Variants in PCSK5 observed in about 807,000 individuals in gnomAD.
The protein encoded by PCSK5 is proprotein convertase subtilisin/kexin type 5.
In PCSK5, 129 loss-of-function variants were observed where a neutral mutation model predicts 233.2. The observed-to-expected ratio is 0.55, with a 90% CI of 0.48 to 0.64. The LOEUF (loss-of-function observed/expected upper bound fraction) is 0.64. Ranked by LOEUF, PCSK5 falls within the 30% of genes least tolerant of loss-of-function variation. The pLI is 0.00. For missense variants in PCSK5, 2,076 were observed against 2,430.1 expected, an observed-to-expected ratio of 0.85 and a Z score of 3.06; for synonymous variants, 825 against 879.2, an observed-to-expected ratio of 0.94 and a Z score of 1.09.
chr9:76,080,311 A>G (rs1187812283), intron 7 of PCSK5, among the ~76,000 whole-genome samples: 1 of 152,152 alleles, frequency 6.6e-6, no homozygotes, highest in Non-Finnish European at 1.5e-5. Context: ...TTCCCTATAT[A>G]CAATATGACA....
chr9:76,168,261 C>T (rs1329708773), intron 12 of PCSK5, among the ~76,000 whole-genome samples: 1 of 152,162 alleles, frequency 6.6e-6, no homozygotes, highest in African/African-American at 2.4e-5. Flanking sequence ...AAGGGATTCT[C>T]CTGCCTCAGC....
At chr9:76,298,072 A>G (rs1828498151) in intron 27 of PCSK5, among the ~76,000 whole-genome samples, 1 of 152,324 alleles carries the variant, frequency 6.6e-6, no homozygotes, top group South Asian at 2.1e-4. Context: ...GGCATTTAAG[A>G]GGCAGTGCAA....
intron 20 of PCSK5, among the ~76,000 whole-genome samples, chr9:76,203,041 G>A (rs1436618428): frequency 6.6e-6 from 1 of 152,192 alleles, no homozygotes; most frequent in Non-Finnish European, 1.5e-5. Flanking sequence ...GGACAACTAA[G>A]TTCTAGCGTG....
chr9:76,225,846 A>T (rs566236737), intron 20 of PCSK5, among the ~76,000 whole-genome samples: 2 of 152,274 alleles, frequency 1.3e-5, no homozygotes, highest in Non-Finnish European at 1.5e-5. Context: ...AGGCAGGCGC[A>T]GCCTACACCA....
At chr9:76,216,048 T>C (rs1417484306) in intron 20 of PCSK5, among the ~76,000 whole-genome samples, 4 of 152,166 alleles carry the variant, frequency 2.6e-5, no homozygotes, top group African/African-American at 9.7e-5. Flanking sequence ...TGAATTGTTC[T>C]AGAGGCCACA....
intron 2 of PCSK5, among the ~76,000 whole-genome samples, chr9:75,955,770 T>C (rs368246697): frequency 6.6e-6 from 1 of 152,106 alleles, no homozygotes; most frequent in South Asian, 2.1e-4. Flanking sequence ...TGAGAGAAAT[T>C]AAATACAAAG....
chr9:76,222,539 C>T (rs932698888), intron 20 of PCSK5, among the ~76,000 whole-genome samples: 1 of 152,124 alleles, frequency 6.6e-6, no homozygotes, highest in African/African-American at 2.4e-5. Context: ...TACAATTCTA[C>T]TTTGTCTCTA....
intron 5 of PCSK5, among the ~76,000 whole-genome samples, chr9:76,038,788 T>TCACCCATACACTGAATGA (rs1317519481): frequency 1.3e-5 from 2 of 152,228 alleles, no homozygotes; most frequent in Non-Finnish European, 2.9e-5. Flanking sequence ...ATTCACTTTG[T>TCACCCATACACTGAATGA]CACCCATACA....
At chr9:76,351,926 G>A (rs1333319471) in intron 36 of PCSK5, among the ~76,000 whole-genome samples, 2 of 151,990 alleles carry the variant, frequency 1.3e-5, no homozygotes, top group African/African-American at 2.4e-5. Flanking sequence ...TTTGGGTTGG[G>A]GGTTCCCTCG....
At chr9:76,143,363 T>C (rs1823306382) in intron 10 of PCSK5, among the ~76,000 whole-genome samples, 1 of 152,174 alleles carries the variant, frequency 6.6e-6, no homozygotes, top group African/African-American at 2.4e-5. Flanking sequence ...GGAGTTCTCA[T>C]TTCATTTGAA....
At chr9:76,151,269 C>T (rs1587690588) in intron 10 of PCSK5, among the ~76,000 whole-genome samples, 1 of 152,150 alleles carries the variant, frequency 6.6e-6, no homozygotes, top group African/African-American at 2.4e-5. Flanking sequence ...ATCTCTGGTT[C>T]GGAATTTCTA....
At chr9:76,045,074 A>C (rs1386148865) in intron 5 of PCSK5, among the ~76,000 whole-genome samples, 2 of 152,200 alleles carry the variant, frequency 1.3e-5, no homozygotes, top group African/African-American at 4.8e-5. Context: ...GGAACATGAT[A>C]ATACATTTTG....
chr9:75,970,429 C>G (rs1037907968), intron 2 of PCSK5, among the ~76,000 whole-genome samples: 1 of 152,140 alleles, frequency 6.6e-6, no homozygotes, highest in African/African-American at 2.4e-5. Context: ...CCTAAGAATT[C>G]TTTCGCCTGT....
chr9:76,356,503 T>C (rs542417895), intron 37 of PCSK5, among the ~76,000 whole-genome samples: 6 of 152,258 alleles, frequency 3.9e-5, no homozygotes, highest in Non-Finnish European at 8.8e-5. Context: ...TTGATTCTAC[T>C]GCTTCAGGCA....
At chr9:76,358,426 A>C (rs1830356512) in intron 37 of PCSK5, 87 bp from the exon 38 acceptor site, 1 of 997,424 alleles carries the variant, frequency 1.0e-6, no homozygotes, top group Non-Finnish European at 1.5e-6. Context: ...TAAAGGTGAA[A>C]TTCTTTACCT....
intron 13 of PCSK5, among the ~76,000 whole-genome samples, chr9:76,172,836 G>A (rs1251802750): frequency 6.6e-6 from 1 of 152,156 alleles, no homozygotes; most frequent in Non-Finnish European, 1.5e-5. Context: ...TACCCTGATT[G>A]TGAAAAGCCT....
At chr9:75,911,932 A>T (rs1203126018) in intron 1 of PCSK5, among the ~76,000 whole-genome samples, 6 of 152,134 alleles carry the variant, frequency 3.9e-5, no homozygotes, top group Admixed American at 3.9e-4. Context: ...AGAGGTAGAG[A>T]TATATATTTC....
intron 2 of PCSK5, among the ~76,000 whole-genome samples, chr9:75,960,657 A>T (rs1290592002): frequency 6.6e-6 from 1 of 152,194 alleles, no homozygotes; most frequent in Non-Finnish European, 1.5e-5. Context: ...TTATTCCCTA[A>T]ATTTATATTT....
intron 14 of PCSK5, among the ~76,000 whole-genome samples, chr9:76,177,581 G>A (rs557056809): frequency 1.3e-5 from 2 of 152,282 alleles, no homozygotes; most frequent in African/African-American, 4.8e-5. Flanking sequence ...CTATAGCATT[G>A]CTATTTATAT....
Sources: gnomAD v4.1 joint callset for allele counts (sites outside exome capture counted in the v4.1 genomes callset) on GRCh38, gnomAD v4.1.1 for gene constraint, MANE v1.5 for transcripts, NCBI Gene and HGNC (gene_info 2026-07-23, HGNC 2026-07-21) for gene names.